The following PRKG1 variants were observed in gnomAD, a reference collection of about 807,000 sequenced individuals.
The protein encoded by PRKG1 is cGMP-dependent protein kinase 1.
In PRKG1, 35 loss-of-function variants were observed where a neutral mutation model predicts 88.1. The ratio of observed to expected loss-of-function variants is 0.40; its 90% confidence interval spans 0.30 to 0.53. The LOEUF (loss-of-function observed/expected upper bound fraction) is 0.53. PRKG1 is among the 20% of genes least tolerant of loss of function. The pLI, the probability that PRKG1 is intolerant of heterozygous loss-of-function variation, is 0.59. For missense variants in PRKG1, 540 were observed against 839.8 expected (o/e 0.64, Z 4.41); for synonymous variants, 303 against 292.5 (o/e 1.04, Z -0.37).
intron 1 of PRKG1, among the ~76,000 whole-genome samples, chr10:51,079,402 G>A (rs192434903): frequency 1.3e-5 from 2 of 152,168 alleles, no homozygotes; most frequent in Non-Finnish European, 1.5e-5. Flanking sequence ...ATTTGAAGAA[G>A]GGCTATGATT....
intron 3 of PRKG1, among the ~76,000 whole-genome samples, chr10:51,760,130 C>T (rs1402533227): frequency 6.6e-6 from 1 of 152,130 alleles, no homozygotes; most frequent in Non-Finnish European, 1.5e-5. Context: ...TTTGATGTGG[C>T]TGTGTTTTAT....
At chr10:51,743,428 G>A (rs1033694849) in intron 3 of PRKG1, among the ~76,000 whole-genome samples, 3 of 151,710 alleles carry the variant, frequency 2.0e-5, no homozygotes, top group African/African-American at 7.3e-5. Context: ...GATGAAAGTG[G>A]CAGCTTGGAA....
intron 3 of PRKG1, among the ~76,000 whole-genome samples, chr10:51,578,370 G>A (rs1463412246): frequency 1.3e-5 from 2 of 152,034 alleles, no homozygotes; most frequent in Non-Finnish European, 2.9e-5. Flanking sequence ...TTTTTCTAAA[G>A]ATAATCATTT....
Position 51,520,963 on chromosome 10 carries a change from A to G in PRKG1, c.592+53127A>G, listed in dbSNP as rs578244350. 2.6e-5 allele frequency among the ~76,000 whole-genome samples: 4 copies of G among 152,350 alleles called. No homozygotes were observed. In the East Asian group the frequency reaches 5.8e-4, roughly 22 times the overall value. ...TTTTAATCAGAAGCTCAGTGTGTAT[A>G]AGGAAGGACCGCACTTGGTTTGCTG... On this transcript the variant is annotated intron_variant, in intron 3 of 17. Transcript: ENST00000373980.
At chr10:51,767,605 A>C (rs907908884) in intron 3 of PRKG1, among the ~76,000 whole-genome samples, 1 of 152,070 alleles carries the variant, frequency 6.6e-6, no homozygotes, top group South Asian at 2.1e-4. Context: ...CATCCACATT[A>C]TGTAATTTCT....
At chr10:52,154,745 C>G (rs900591705) in intron 8 of PRKG1, among the ~76,000 whole-genome samples, 2 of 152,042 alleles carry the variant, frequency 1.3e-5, no homozygotes, top group African/African-American at 4.8e-5. Context: ...CACCCATCAC[C>G]CTAATAGCGT....
intron 2 of PRKG1, among the ~76,000 whole-genome samples, chr10:51,419,504 G>C (rs1202164342): frequency 6.6e-6 from 1 of 152,074 alleles, no homozygotes; most frequent in Non-Finnish European, 1.5e-5. Context: ...ATTTTTTCCT[G>C]GGAGGAAAAG....
At chr10:51,731,084 A>G (rs1426478852) in intron 3 of PRKG1, among the ~76,000 whole-genome samples, 1 of 152,134 alleles carries the variant, frequency 6.6e-6, no homozygotes, top group Admixed American at 6.6e-5. Flanking sequence ...TGAACCCAGG[A>G]GACAGAGGTT....
At chr10:51,726,124 A>C (rs1039531437) in intron 3 of PRKG1, among the ~76,000 whole-genome samples, 1 of 152,188 alleles carries the variant, frequency 6.6e-6, no homozygotes, top group Non-Finnish European at 1.5e-5. Flanking sequence ...ATAATGTAAT[A>C]CTGTTTGTCA....
At chr10:51,683,101 G>C (rs1419219689) in intron 3 of PRKG1, among the ~76,000 whole-genome samples, 1 of 152,096 alleles carries the variant, frequency 6.6e-6, no homozygotes, top group Non-Finnish European at 1.5e-5. Flanking sequence ...TAGATCACAG[G>C]GAACAGACAT....
At chr10:51,692,181 G>C (rs1841160926) in intron 3 of PRKG1, among the ~76,000 whole-genome samples, 1 of 152,018 alleles carries the variant, frequency 6.6e-6, no homozygotes, top group Non-Finnish European at 1.5e-5. Flanking sequence ...TTCCGATATG[G>C]AGTATGATTT....
At chr10:51,407,509 C>T (rs1837954824) in intron 2 of PRKG1, among the ~76,000 whole-genome samples, 1 of 152,140 alleles carries the variant, frequency 6.6e-6, no homozygotes, top group South Asian at 2.1e-4. Flanking sequence ...ATGTTTTTAA[C>T]AAAAGGAGGA....
chr10:51,060,285 T>TTAC (rs1313795015), intron 1 of PRKG1, among the ~76,000 whole-genome samples: 2 of 152,206 alleles, frequency 1.3e-5, no homozygotes, highest in East Asian at 3.9e-4. Context: ...TTTAGTTTAT[T>TTAC]TACTAATACA....
intron 5 of PRKG1, among the ~76,000 whole-genome samples, chr10:51,985,317 CT>C (rs142449644): frequency 1.3e-5 from 2 of 151,954 alleles, no homozygotes; most frequent in African/African-American, 2.4e-5. Flanking sequence ...TATAGTGAAA[CT>C]TTTTTCAGCT....
At chr10:52,181,118 C>T (rs1038147866) in intron 9 of PRKG1, among the ~76,000 whole-genome samples, 2 of 152,142 alleles carry the variant, frequency 1.3e-5, no homozygotes, top group Non-Finnish European at 2.9e-5. Context: ...GGCTTGTCTG[C>T]TAGTGACAGC....
intron 3 of PRKG1, among the ~76,000 whole-genome samples, chr10:51,599,268 T>A (rs1838536787): frequency 6.6e-6 from 1 of 152,156 alleles, no homozygotes; most frequent in Admixed American, 6.6e-5. Flanking sequence ...GTGTTACTCA[T>A]GTCTAGTGGG....
In PRKG1 at chr10:51,351,472, C is replaced by T. The variant is rs567140349; in HGVS notation, c.479-116251C>T. 6.6e-5 allele frequency among the ~76,000 whole-genome samples: 10 copies of T among 152,160 alleles called. No individual in the cohort carries two copies. The South Asian group carries it at 1.0e-3, about 16-fold the overall frequency. ...TTCTAACTGGTATGACATGGTATCT[C>T]ATTGTGGTTTTGATTTGCATTTCTC... On this transcript the variant is annotated intron_variant, in intron 2 of 17. Coordinates refer to ENST00000373980, the MANE Select transcript of PRKG1 (RefSeq NM_006258.4).
chr10:51,464,847 C>T (rs1022030365), intron 2 of PRKG1, among the ~76,000 whole-genome samples: 25 of 147,452 alleles, frequency 1.7e-4, no homozygotes, highest in African/African-American at 6.1e-4. Flanking sequence ...GCCGAGATCC[C>T]GCCACTGCAC....
chr10:51,236,173 T>G (rs1300828861), intron 2 of PRKG1, among the ~76,000 whole-genome samples: 3 of 152,140 alleles, frequency 2.0e-5, no homozygotes, highest in Non-Finnish European at 2.9e-5. Flanking sequence ...CTCACTTTCT[T>G]TATCTGTACA....
Sources: gnomAD v4.1 joint callset for allele counts (sites outside exome capture counted in the v4.1 genomes callset) on GRCh38, gnomAD v4.1.1 for gene constraint, MANE v1.5 for transcripts, NCBI Gene and HGNC (gene_info 2026-07-23, HGNC 2026-07-21) for gene names.